NRP2: variants seen among roughly 807,000 people sequenced by gnomAD.
NRP2 encodes neuropilin-2.
In NRP2, 52 loss-of-function variants were observed where a neutral mutation model predicts 110.4. The observed-to-expected ratio is 0.47, with a 90% CI of 0.38 to 0.59. The LOEUF (loss-of-function observed/expected upper bound fraction) is 0.59. Ranked by LOEUF, NRP2 falls within the 20% of genes least tolerant of loss-of-function variation. The pLI is 0.00. For missense variants in NRP2, 1,049 were observed against 1,203.0 expected (o/e 0.87, Z 1.89); for synonymous variants, 508 against 468.9 (o/e 1.08, Z -1.08).
intron 5 of NRP2, 22 bp downstream of exon 5, chr2:205,723,962 C>A: frequency 2.5e-6 from 4 of 1,613,766 alleles, no homozygotes; most frequent in Non-Finnish European, 3.4e-6. Context: ...GATTGGGAAC[C>A]TCTGTCCTGT....
At chr2:205,688,427 GA>G (rs1244730965) in intron 1 of NRP2, among the ~76,000 whole-genome samples, 2 of 152,124 alleles carry the variant, frequency 1.3e-5, no homozygotes, top group African/African-American at 4.8e-5. Flanking sequence ...GTTTGTCCTG[GA>G]GAGCTACAGT....
chr2:205,684,302 C>T (rs976362357), intron 1 of NRP2, among the ~76,000 whole-genome samples: 2 of 152,134 alleles, frequency 1.3e-5, no homozygotes, highest in Non-Finnish European at 2.9e-5. Context: ...AGCCTCCCTA[C>T]CCCTCTGAGA....
At chr2:205,776,510 G>C in intron 15 of NRP2, 1 of 1,606,430 alleles carries the variant, frequency 6.2e-7, no homozygotes. Flanking sequence ...GAGCAAGACC[G>C]TGGCTCGCAC....
At chr2:205,695,511 G>A (rs2056405425) in intron 1 of NRP2, among the ~76,000 whole-genome samples, 1 of 152,148 alleles carries the variant, frequency 6.6e-6, no homozygotes, top group African/African-American at 2.4e-5. Context: ...GAGGGAGAGA[G>A]TGTGGGTAGG....
At chr2:205,700,937 G>A (rs1398223056) in intron 2 of NRP2, 5 of 327,970 alleles carry the variant, frequency 1.5e-5, no homozygotes, top group South Asian at 7.0e-5. Context: ...ACAAAAGGGC[G>A]AGACTACGGG....
chr2:205,738,971 T>G (rs948326738), intron 7 of NRP2, among the ~76,000 whole-genome samples: 2 of 152,200 alleles, frequency 1.3e-5, no homozygotes, highest in Non-Finnish European at 2.9e-5. Flanking sequence ...CTCTAACTTT[T>G]AACCTTAGCA....
At chr2:205,720,942 C>T (rs931426911) in intron 3 of NRP2, among the ~76,000 whole-genome samples, 1 of 152,162 alleles carries the variant, frequency 6.6e-6, no homozygotes, top group Non-Finnish European at 1.5e-5. Flanking sequence ...TAGCCCTTGC[C>T]CTCGTGTGTT....
At chr2:205,777,004 T>C (rs2058111080) in intron 15 of NRP2, 4 of 1,042,902 alleles carry the variant, frequency 3.8e-6, no homozygotes, top group Non-Finnish European at 4.6e-6. Flanking sequence ...GGCTGGTTCA[T>C]TGTGTGTGTG....
intron 3 of NRP2, among the ~76,000 whole-genome samples, chr2:205,720,455 C>T (rs575925627): frequency 9.2e-5 from 14 of 152,150 alleles, no homozygotes; most frequent in South Asian, 2.1e-4. Flanking sequence ...AGAAAGATTC[C>T]GCCAGAAAAT....
At chr2:205,706,807 T>C (rs942282294) in intron 2 of NRP2, among the ~76,000 whole-genome samples, 1 of 152,186 alleles carries the variant, frequency 6.6e-6, no homozygotes, top group African/African-American at 2.4e-5. Flanking sequence ...CTTCACTGCC[T>C]GGGCCTTTAT....
At chr2:205,720,629 G>T (rs982644573) in intron 3 of NRP2, among the ~76,000 whole-genome samples, 2 of 152,186 alleles carry the variant, frequency 1.3e-5, no homozygotes, top group East Asian at 1.9e-4. Context: ...TGAGTGGCCC[G>T]CATGAAGAAT....
intron 1 of NRP2, among the ~76,000 whole-genome samples, chr2:205,684,912 G>T (rs2056108833): frequency 6.6e-6 from 1 of 152,096 alleles, no homozygotes; most frequent in Admixed American, 6.5e-5. Context: ...AGTATATTAT[G>T]TATTCAGACA....
chr2:205,749,619 G>T, intron 10 of NRP2, 106 bp from the exon 11 acceptor site: 1 of 884,856 alleles, frequency 1.1e-6, no homozygotes, highest in Non-Finnish European at 1.9e-6. Flanking sequence ...CCGTGCACAT[G>T]TGTGCATCTT....
intron 1 of NRP2, 22 bp from the exon 2 acceptor site, chr2:205,697,522 G>A: frequency 6.2e-7 from 1 of 1,607,754 alleles, no homozygotes; most frequent in Non-Finnish European, 8.5e-7. Flanking sequence ...GAAGTTCTTT[G>A]GGTCGTTGAT....
chr2:205,749,681 C>T, intron 10 of NRP2, 44 bp from the exon 11 acceptor site: 1 of 1,504,782 alleles, frequency 6.6e-7, no homozygotes, highest in Non-Finnish European at 9.3e-7. Flanking sequence ...GGTTGCAACA[C>T]AGGCTGCTAC....
chr2:205,728,004 T>C lies in NRP2; in HGVS notation c.1104T>C (p.Asn368=). Residue 368 remains asparagine (N), a synonymous_variant, in exon 7 of 17, where the codon AAT becomes AAC. Transcript: ENST00000357785. ...VKSYKLEVST[N]GEDWMVYRHG... ...CCTACAAGCTGGAAGTCAGCACTAA[T>C]GGAGAGGACTGGATGGTGTACCGGC... 3.1e-6 allele frequency: 5 copies of C among 1,614,146 alleles called. No homozygotes were observed. The highest frequency in any genetic ancestry group is 4.2e-6 in the Non-Finnish European group (5 of 1,180,030).
At chr2:205,780,787 G>A (rs373378324) in intron 15 of NRP2, among the ~76,000 whole-genome samples, 36 of 152,316 alleles carry the variant, frequency 2.4e-4, no homozygotes, top group East Asian at 1.5e-3. Flanking sequence ...ACCTGTCCAA[G>A]TGCTGCTAAA....
intron 2 of NRP2, among the ~76,000 whole-genome samples, chr2:205,708,814 C>T (rs887452763): frequency 1.8e-4 from 28 of 152,124 alleles, no homozygotes; most frequent in Admixed American, 1.8e-3. Flanking sequence ...GGATAAGAAG[C>T]TCAAAATATC....
chr2:205,780,890 ATAAAG>A (rs1358130896), intron 15 of NRP2, among the ~76,000 whole-genome samples: 1 of 152,246 alleles, frequency 6.6e-6, no homozygotes, highest in Non-Finnish European at 1.5e-5. Flanking sequence ...TTGCAGGAGA[ATAAAG>A]TAGAATGTCA....
Sources: gnomAD v4.1 joint callset for allele counts (sites outside exome capture counted in the v4.1 genomes callset) on GRCh38, gnomAD v4.1.1 for gene constraint, MANE v1.5 for transcripts, NCBI Gene and HGNC (gene_info 2026-07-23, HGNC 2026-07-21) for gene names.